FGGY: variants seen among roughly 807,000 people sequenced by gnomAD.
FGGY encodes FGGY carbohydrate kinase domain-containing protein.
In FGGY, 72 loss-of-function variants were observed where a neutral mutation model predicts 71.3. That is an observed-to-expected ratio of 1.01 (90% confidence interval 0.84 to 1.23). The LOEUF (loss-of-function observed/expected upper bound fraction) is 1.23, where lower values mean the gene tolerates loss of function less well. FGGY is among the 50% of genes most tolerant of loss of function. FGGY has a pLI of 0.00. For synonymous variants in FGGY, 251 were observed against 250.3 expected (o/e 1.00, Z -0.02); for missense variants, 668 against 682.3 (o/e 0.98, Z 0.23).
At chr1:59,513,881 G>A (rs900343710) in intron 7 of FGGY, among the ~76,000 whole-genome samples, 3 of 152,194 alleles carry the variant, frequency 2.0e-5, no homozygotes, top group African/African-American at 7.2e-5. Flanking sequence ...TTCCAGAGCA[G>A]GATCGCTCTC....
In FGGY at chr1:59,652,160, A is replaced by C. The variant is rs1292506395; in HGVS notation, c.1222-8059A>C. On this transcript the variant is annotated intron_variant, in intron 11 of 15. Transcript: ENST00000303721. ...TGGGCTTCCCTTTGAGGGTAACCCA[A>C]CCTTTCTCTCTGGCTGCCCTTAACA... Among the ~76,000 whole-genome samples the C allele has an allele frequency of 2.0e-5, 3 of 152,096 alleles. No individual in the cohort carries two copies. The South Asian group carries it at 6.3e-4, about 32-fold the overall frequency.
intron 4 of FGGY, among the ~76,000 whole-genome samples, chr1:59,370,643 G>A (rs2057440805): frequency 6.6e-6 from 1 of 151,708 alleles, no homozygotes; most frequent in African/African-American, 2.4e-5. Flanking sequence ...AAAATGTTAA[G>A]GGCAGCCAGA....
chr1:59,301,816 C>T lies in FGGY; in HGVS notation c.-15+4666C>T, dbSNP rs532325223. Among the ~76,000 whole-genome samples the T allele has an allele frequency of 7.0e-4, 103 of 146,828 alleles. 1 individual carries two copies. The highest frequency in any genetic ancestry group is 4.9e-3 in the South Asian group (23 of 4,672). ...GCAACCTCCACCTCCCAGGTTCAAG[C>T]GATTCTCCTGCCTCAGCTTCCCGAG... On this transcript the variant is annotated intron_variant, in intron 1 of 15. Coordinates refer to ENST00000303721, the MANE Select transcript of FGGY (RefSeq NM_018291.5).
chr1:59,602,563 G>C (rs184943751), intron 8 of FGGY, among the ~76,000 whole-genome samples: 3 of 152,092 alleles, frequency 2.0e-5, no homozygotes, highest in African/African-American at 7.2e-5. Context: ...CAAACCATGC[G>C]ATCTTTTATT....
At chr1:59,519,059 C>T (rs1037274423) in intron 7 of FGGY, among the ~76,000 whole-genome samples, 6 of 152,164 alleles carry the variant, frequency 3.9e-5, no homozygotes, top group African/African-American at 7.2e-5. Context: ...CAACTTTATA[C>T]ATACTATTAT....
intron 2 of FGGY, among the ~76,000 whole-genome samples, chr1:59,330,102 A>AT (rs779771234): frequency 6.3e-4 from 96 of 152,344 alleles, no homozygotes; most frequent in Non-Finnish European, 1.0e-3. Context: ...TGAATCATTC[A>AT]TTTTTTGTTA....
chr1:59,352,496 C>T (rs370116975), intron 4 of FGGY, among the ~76,000 whole-genome samples: 1 of 152,178 alleles, frequency 6.6e-6, no homozygotes, highest in Admixed American at 6.6e-5. Context: ...GGAAATATAC[C>T]TGCTGCTTCT....
intron 4 of FGGY, among the ~76,000 whole-genome samples, chr1:59,377,047 C>T (rs1345066531): frequency 6.6e-6 from 1 of 152,182 alleles, no homozygotes; most frequent in Non-Finnish European, 1.5e-5. Flanking sequence ...AACTAGGTCA[C>T]ATGCCTAAAC....
intron 5 of FGGY, among the ~76,000 whole-genome samples, chr1:59,420,197 T>G (rs537504323): frequency 5.3e-5 from 8 of 152,020 alleles, no homozygotes; most frequent in Non-Finnish European, 1.0e-4. Context: ...TGTGTGTAGC[T>G]TCTCTCTCTC....
intron 5 of FGGY, among the ~76,000 whole-genome samples, chr1:59,386,161 A>G (rs1311899437): frequency 2.6e-5 from 4 of 152,130 alleles, no homozygotes; most frequent in Non-Finnish European, 5.9e-5. Context: ...TATTATCATT[A>G]ATAAAATTCC....
chr1:59,584,747 A>G (rs1011329211), intron 8 of FGGY, among the ~76,000 whole-genome samples: 12 of 150,228 alleles, frequency 8.0e-5, no homozygotes, highest in African/African-American at 3.0e-4. Flanking sequence ...TTTGCAGATG[A>G]CATGAATGTA....
intron 6 of FGGY, among the ~76,000 whole-genome samples, chr1:59,464,790 G>A (rs1183982357): frequency 3.3e-5 from 5 of 152,032 alleles, no homozygotes; most frequent in African/African-American, 1.2e-4. Context: ...ATAAATTCCT[G>A]GACACATACA....
intron 8 of FGGY, among the ~76,000 whole-genome samples, chr1:59,583,114 G>A (rs2096224929): frequency 7.0e-6 from 1 of 143,168 alleles, no homozygotes; most frequent in Non-Finnish European, 1.5e-5. Context: ...ATAGTATCTG[G>A]TCACTGCCAC....
At chr1:59,346,526 G>A in intron 4 of FGGY, 128 bp downstream of exon 4, 3 of 1,044,540 alleles carry the variant, frequency 2.9e-6, no homozygotes, top group Admixed American at 2.6e-5. Context: ...TAGGAGGAAG[G>A]TTGATCCCAT....
intron 8 of FGGY, among the ~76,000 whole-genome samples, chr1:59,589,264 C>A (rs529107899): frequency 6.6e-6 from 1 of 152,196 alleles, no homozygotes; most frequent in Non-Finnish European, 1.5e-5. Context: ...GCACCCAATA[C>A]AGGAGCACGC....
At chr1:59,751,506 C>A (rs2098245092) in intron 14 of FGGY, among the ~76,000 whole-genome samples, 1 of 152,140 alleles carries the variant, frequency 6.6e-6, no homozygotes, top group Non-Finnish European at 1.5e-5. Flanking sequence ...TATAGCTGAA[C>A]CAAAGTATTT....
intron 8 of FGGY, among the ~76,000 whole-genome samples, chr1:59,585,578 C>A (rs2096271027): frequency 6.6e-6 from 1 of 152,158 alleles, no homozygotes; most frequent in African/African-American, 2.4e-5. Context: ...TAGAAGAAAA[C>A]CTAGGCATCA....
intron 7 of FGGY, among the ~76,000 whole-genome samples, chr1:59,551,405 A>G (rs1408389129): frequency 6.6e-6 from 1 of 152,172 alleles, no homozygotes; most frequent in Admixed American, 6.5e-5. Context: ...TGACCCTGTA[A>G]CATTAACTTT....
rs758676632 is a variant in FGGY at position 59,581,245 on chromosome 1, ATTCT to A, written c.904-26554_904-26551del. On this transcript the variant is annotated intron_variant, in intron 8 of 15. Coordinates refer to ENST00000303721, the MANE Select transcript of FGGY (RefSeq NM_018291.5). Reference sequence around the variant, plus strand: ...GCTTTTTCTCATTATTTATCTTTTTATTCTTTCCTATTTTTATTCCCTGAGACCA... The same window carrying A: ...GCTTTTTCTCATTATTTATCTTTTTATTCCTATTTTTATTCCCTGAGACCA... 6.7e-5 allele frequency among the ~76,000 whole-genome samples: 10 copies of A among 150,110 alleles called. 1 individual carries two copies. The East Asian group carries it at 1.4e-3, about 20-fold the overall frequency.
Sources: allele counts gnomAD v4.1 joint callset (sites outside exome capture counted in the v4.1 genomes callset), GRCh38; gene constraint gnomAD v4.1.1; transcripts MANE v1.5; gene names NCBI Gene and HGNC (gene_info 2026-07-23, HGNC 2026-07-21).